Variants in LRRTM3 observed in about 807,000 individuals in gnomAD.
The protein encoded by LRRTM3 is leucine rich repeat transmembrane neuronal 3.
LRRTM3 carries 24 observed loss-of-function variants against 44.7 expected under a neutral mutation model. The ratio of observed to expected loss-of-function variants is 0.54; its 90% CI spans 0.39 to 0.76. The LOEUF (loss-of-function observed/expected upper bound fraction) is 0.76, where lower values mean the gene tolerates loss of function less well. LRRTM3 is among the 30% of genes least tolerant of loss of function. The pLI, the probability that LRRTM3 is intolerant of heterozygous loss-of-function variation, is 0.00. For missense variants in LRRTM3, 587 were observed against 702.2 expected (o/e 0.84, Z 1.85); for synonymous variants, 277 against 278.7 (o/e 0.99, Z 0.06).
chr10:67,034,109 T>C (rs1223726427), intron 2 of LRRTM3, among the ~76,000 whole-genome samples: 1 of 152,116 alleles, frequency 6.6e-6, no homozygotes, highest in Non-Finnish European at 1.5e-5. Flanking sequence ...GCTGACACAT[T>C]GTTAGAACTG....
At chr10:67,070,770 A>G (rs905425650) in intron 2 of LRRTM3, among the ~76,000 whole-genome samples, 2 of 152,072 alleles carry the variant, frequency 1.3e-5, no homozygotes, top group African/African-American at 4.8e-5. Context: ...GAAAAGAAAA[A>G]AAAGAAATCC....
In LRRTM3 at chr10:66,927,952, C is replaced by T. The variant is rs142205547; in HGVS notation, c.1036C>T (p.Leu346=). ...AATTATCTGTGCCAGTCCCAAAGAGCTGCAAGGAGTAAATGTGATCGATGC... is the reference window on the plus strand; with the variant it reads ...AATTATCTGTGCCAGTCCCAAAGAGTTGCAAGGAGTAAATGTGATCGATGC... ...NTIICASPKE[L]QGVNVIDAVK... Residue 346 remains leucine, a synonymous_variant, in exon 2 of 3, where the codon CTG becomes TTG. Coordinates refer to ENST00000361320, the MANE Select transcript of LRRTM3 (RefSeq NM_178011.5). This position sits in a 1 kb window ranked among gnomAD's most constrained non-coding sequence, Gnocchi z 4.7. 2.3e-4 allele frequency: 379 copies of T among 1,614,098 alleles called. No individual in the cohort carries two copies. Among genetic ancestry groups the T allele is most frequent in the Non-Finnish European group, 2.9e-4 (343 of 1,180,054 alleles).
chr10:67,095,485 T>C (rs1857933094), intron 2 of LRRTM3, among the ~76,000 whole-genome samples: 1 of 151,776 alleles, frequency 6.6e-6, no homozygotes, highest in Non-Finnish European at 1.5e-5. Context: ...ATTTAATTGA[T>C]AATGGTTCAA....
chr10:66,984,993 C>T (rs1231832659), intron 2 of LRRTM3, among the ~76,000 whole-genome samples: 1 of 152,264 alleles, frequency 6.6e-6, no homozygotes, highest in Non-Finnish European at 1.5e-5. Flanking sequence ...TTCTTCACTA[C>T]TGTTGAGCCA....
At chr10:67,040,858 T>C (rs1254657675) in intron 2 of LRRTM3, among the ~76,000 whole-genome samples, 2 of 152,098 alleles carry the variant, frequency 1.3e-5, no homozygotes, top group Non-Finnish European at 2.9e-5. Flanking sequence ...CAAACTTTCA[T>C]TGAACAACTA....
chr10:67,025,541 A>G (rs1589622369), intron 2 of LRRTM3, among the ~76,000 whole-genome samples: 1 of 152,146 alleles, frequency 6.6e-6, no homozygotes, highest in Non-Finnish European at 1.5e-5. Flanking sequence ...GTGAAAATGT[A>G]TTTTGCATCT....
chr10:66,978,552 A>AAAAAAATATATAT, intron 2 of LRRTM3, among the ~76,000 whole-genome samples: 30 of 37,880 alleles, frequency 7.9e-4, no homozygotes, highest in Admixed American at 1.5e-3. Flanking sequence ...AAAAAAAAAA[A>AAAAAAATATATAT]ATATATATAT....
intron 2 of LRRTM3, among the ~76,000 whole-genome samples, chr10:67,061,532 TC>T: frequency 6.6e-6 from 1 of 152,222 alleles, no homozygotes; most frequent in East Asian, 1.9e-4. Context: ...AGGCTGCACT[TC>T]CCTTGTCCCT....
At chr10:67,081,315 A>G (rs899689654) in intron 2 of LRRTM3, among the ~76,000 whole-genome samples, 3 of 152,220 alleles carry the variant, frequency 2.0e-5, no homozygotes, top group Admixed American at 6.5e-5. Flanking sequence ...AAATATGTAG[A>G]AAAAGAAAGG....
chr10:67,036,359 T>C (rs1439358707), intron 2 of LRRTM3, among the ~76,000 whole-genome samples: 2 of 151,514 alleles, frequency 1.3e-5, no homozygotes, highest in African/African-American at 4.8e-5. Flanking sequence ...AATCTCTCCC[T>C]TCAGTTTCAA....
At chr10:66,956,760 G>T (rs1185160990) in intron 2 of LRRTM3, among the ~76,000 whole-genome samples, 1 of 152,168 alleles carries the variant, frequency 6.6e-6, no homozygotes, top group Non-Finnish European at 1.5e-5. Context: ...GATTTCAACT[G>T]AATTTGGCAA....
intron 2 of LRRTM3, among the ~76,000 whole-genome samples, chr10:66,984,478 A>G (rs1850617368): frequency 2.0e-5 from 3 of 152,204 alleles, no homozygotes; most frequent in Non-Finnish European, 2.9e-5. Flanking sequence ...AAGTAACACT[A>G]AGGAAATAAA....
intron 2 of LRRTM3, among the ~76,000 whole-genome samples, chr10:66,953,368 G>T (rs1319539614): frequency 1.3e-5 from 2 of 152,172 alleles, no homozygotes; most frequent in African/African-American, 2.4e-5. Context: ...ACTGCCGGTT[G>T]TCTGAAATGA....
intron 2 of LRRTM3, among the ~76,000 whole-genome samples, chr10:67,034,989 C>T (rs1399555627): frequency 6.6e-6 from 1 of 152,142 alleles, no homozygotes; most frequent in Non-Finnish European, 1.5e-5. Context: ...TGGAAGGCCC[C>T]GTTCAGAAAT....
At chr10:67,069,323 C>T (rs1355043772) in intron 2 of LRRTM3, among the ~76,000 whole-genome samples, 2 of 151,930 alleles carry the variant, frequency 1.3e-5, no homozygotes, top group Non-Finnish European at 2.9e-5. Context: ...TGCAGAAATG[C>T]CTTCCAAAGT....
chr10:66,975,852 T>C (rs553557546), intron 2 of LRRTM3, among the ~76,000 whole-genome samples: 58 of 152,346 alleles, frequency 3.8e-4, no homozygotes, highest in Non-Finnish European at 7.8e-4. Context: ...TGTCATTTTC[T>C]ATCTGACCAA....
At chr10:66,954,102 A>G (rs1018012197) in intron 2 of LRRTM3, among the ~76,000 whole-genome samples, 1 of 152,214 alleles carries the variant, frequency 6.6e-6, no homozygotes, top group Non-Finnish European at 1.5e-5. Context: ...AATAAAATTT[A>G]TGCCTCTACT....
At position 66,937,328 on chromosome 10, in the gene LRRTM3, AT is replaced by A. The variant is rs530440530; in HGVS notation, c.1536+8881del. On this transcript the variant is annotated intron_variant, in intron 2 of 2. Coordinates refer to ENST00000361320, the MANE Select transcript of LRRTM3 (RefSeq NM_178011.5). ...GGCAAAGAATCAGCATTTGTTAAAT[AT>A]TTTTCCTGGTACATTTCATATATAA... Among the ~76,000 whole-genome samples, 52 of 152,204 alleles carry A rather than the reference AT, an allele frequency of 3.4e-4. No individual in the cohort carries two copies. The East Asian group carries it at 8.9e-3, about 26-fold the overall frequency.
At position 66,927,966 on chromosome 10, in the gene LRRTM3, T is replaced by C. The variant is rs1847165954; in HGVS notation, c.1050T>C (p.Asn350=). Residue 350 remains asparagine (N), a synonymous_variant, in exon 2 of 3, where the codon AAT becomes AAC. Transcript: ENST00000361320. The surrounding 1 kb of genome is among the most constrained non-coding windows in gnomAD (Gnocchi z 4.7). ...CASPKELQGV[N]VIDAVKNYSI... is the part of the protein sequence containing the mutation. The stretch of plus-strand genomic sequence containing the variant: ...GTCCCAAAGAGCTGCAAGGAGTAAA[T>C]GTGATCGATGCAGTGAAGAACTACA... 1 of 1,614,120 alleles carries C rather than the reference T, an allele frequency of 6.2e-7. No individual in the cohort carries two copies. The highest frequency in any genetic ancestry group is 8.5e-7 in the Non-Finnish European group (1 of 1,180,028).
Sources: allele counts gnomAD v4.1 joint callset (sites outside exome capture counted in the v4.1 genomes callset), GRCh38; gene constraint gnomAD v4.1.1; non-coding constraint Gnocchi (gnomAD v3.1); transcripts MANE v1.5; gene names NCBI Gene and HGNC (gene_info 2026-07-23, HGNC 2026-07-21).